The following HEATR5B variants were observed in gnomAD, a reference collection of about 807,000 sequenced individuals.
HEATR5B encodes HEAT repeat containing 5B, also known as HEAT repeat-containing protein 5B.
HEATR5B carries 156 observed loss-of-function variants against 224.1 expected under a neutral mutation model. The ratio of observed to expected loss-of-function variants is 0.70; its 90% CI spans 0.61 to 0.80. The LOEUF (loss-of-function observed/expected upper bound fraction) is 0.80. HEATR5B is among the 30% of genes least tolerant of loss of function. HEATR5B has a pLI of 0.00. For synonymous variants in HEATR5B, 1,027 were observed against 893.0 expected, an observed-to-expected ratio of 1.15 and a Z score of -2.68; for missense variants, 2,323 against 2,535.5, an observed-to-expected ratio of 0.92 and a Z score of 1.80.
intron 18 of HEATR5B, among the ~76,000 whole-genome samples, chr2:37,043,660 CAA>C (rs1670012715): frequency 6.6e-6 from 1 of 151,926 alleles, no homozygotes; most frequent in South Asian, 2.1e-4. Flanking sequence ...GTTAATAATG[CAA>C]AAAAGACTTC....
chr2:37,060,907 A>G (rs1671243878), intron 11 of HEATR5B, among the ~76,000 whole-genome samples, 174 bp from the exon 12 acceptor site: 1 of 152,142 alleles, frequency 6.6e-6, no homozygotes, highest in Non-Finnish European at 1.5e-5. Context: ...CTAAAATTAC[A>G]TTATTTTCAA....
rs1199499607 is a variant in HEATR5B, at chr2:37,061,974, G to C, written c.1661C>G (p.Ala554Gly). The C allele has an allele frequency of 5.6e-6, 9 of 1,613,784 alleles. No homozygotes were observed. Among genetic ancestry groups the C allele is most frequent in the Non-Finnish European group, 3.4e-6 (4 of 1,179,756 alleles). The change falls in exon 11 of 36, where the codon GCT becomes GGT. Residue 554 changes from alanine to glycine, a missense_variant. By Grantham distance (60) the Ala-to-Gly change is moderately conservative. Transcript: ENST00000233099. ...AAGTGCTCCAAGTAAAAGCCAGCCA[G>C]CTTGGGTGCGCTGTAAAGATAGCCT... ...NSRLSLQRTQ[A>G]GWLLLGALMT...
intron 3 of HEATR5B, among the ~76,000 whole-genome samples, chr2:37,077,861 T>C (rs372253839): frequency 2.0e-4 from 30 of 152,234 alleles, no homozygotes; most frequent in African/African-American, 7.0e-4. Context: ...AATAATACTA[T>C]ACTATTAGTA....
intron 2 of HEATR5B, among the ~76,000 whole-genome samples, chr2:37,082,223 C>T (rs1672626699): frequency 6.6e-6 from 1 of 151,558 alleles, no homozygotes; most frequent in African/African-American, 2.4e-5. Flanking sequence ...GCGCCCACGA[C>T]CACGCCTGGC....
At chr2:37,045,100 C>T (rs979410917) in intron 18 of HEATR5B, among the ~76,000 whole-genome samples, 9 of 152,146 alleles carry the variant, frequency 5.9e-5, no homozygotes, top group Non-Finnish European at 1.3e-4. Context: ...TTTCTCACAT[C>T]ATGCTCAGGT....
intron 35 of HEATR5B, among the ~76,000 whole-genome samples, chr2:36,987,512 GTC>G (rs1203641576): frequency 2.0e-5 from 3 of 151,746 alleles, no homozygotes; most frequent in Non-Finnish European, 4.4e-5. Context: ...AGTACAGTCT[GTC>G]TACAATTAAA....
In HEATR5B at chr2:37,000,733, G is replaced by A. The variant is rs1180969005; in HGVS notation, c.5398C>T (p.Gln1800Ter). The change falls in exon 33 of 36, where the codon CAG (glutamine) becomes TAG (stop). Residue 1800 changes from glutamine (Q) to a stop codon, truncating the protein, a stop_gained. Transcript: ENST00000233099. LOFTEE classifies it high-confidence loss of function. ...KDTAIKSADN[Q>*]VPPPVSAALQ... The stretch of plus-strand genomic sequence containing the variant: ...GCTGCACTGACTGGTGGAGGAACCT[G>A]ATTATCTGCAGACTTTATTGCTGTG... 1 of 1,613,946 alleles carries A rather than the reference G, an allele frequency of 6.2e-7. No homozygotes were observed. Among genetic ancestry groups the A allele is most frequent in the Non-Finnish European group, 8.5e-7 (1 of 1,179,952 alleles).
intron 21 of HEATR5B, among the ~76,000 whole-genome samples, chr2:37,035,156 C>A (rs1444748205): frequency 6.6e-6 from 1 of 152,182 alleles, no homozygotes; most frequent in Non-Finnish European, 1.5e-5. Flanking sequence ...CAAATGGTGA[C>A]TGGCAAAGCC....
Position 37,083,399 on chromosome 2 carries a change from T to C in HEATR5B, c.16A>G (p.Ser6Gly). 1 of 1,613,786 alleles carries C rather than the reference T, an allele frequency of 6.2e-7. No individual in the cohort carries two copies. Among genetic ancestry groups the C allele is most frequent in the Middle Eastern group, 1.7e-4 (1 of 6,058 alleles). ...AAAGCTTCTTCATTTAGCAATAAAC[T>C]GTGGGCTAACTCCATTACGGAAGTT... MELAH[S>G]LLLNEEALAQ... The change falls in exon 2 of 36, where the codon AGT (serine) becomes GGT (glycine). Residue 6 changes from serine (S) to glycine (G), a missense_variant. Transcript: ENST00000233099.
rs1356410956 is a variant in HEATR5B, at chr2:37,072,265, T to C, written c.614A>G (p.Gln205Arg). Residue 205 changes from glutamine (Q) to arginine (R), a missense_variant, in exon 6 of 36, where the codon CAG becomes CGG. Physicochemically the swap from Gln to Arg is conservative, Grantham distance 43. This residue lies in a region of HEATR5B where 292 missense variants were observed against 332.6 expected (regional missense o/e 0.88). Transcript: ENST00000233099. ...AGTCCACATAAATACAGCTTCATTC[T>C]GTAGTTCTAGTAGACACTGGAATTA... ...CAVAKCLLEL[Q>R]NEAVFMWTAE... The C allele has an allele frequency of 6.2e-7, 1 of 1,611,680 alleles. No individual in the cohort carries two copies. Among genetic ancestry groups the C allele is most frequent in the East Asian group, 2.2e-5 (1 of 44,838 alleles).
rs540592836 is a variant in HEATR5B at position 37,068,994 on chromosome 2, AG to A, written c.928-65del. ...ATAACTGAACAGAAATCAAAGATAA[AG>A]CAACTACTAAAATAACTGATAACAG... On this transcript the variant is annotated intron_variant, in intron 7 of 35. Transcript: ENST00000233099. The A allele has an allele frequency of 1.0e-4, 148 of 1,478,188 alleles. No individual in the cohort carries two copies. In the African/African-American group the frequency reaches 1.9e-3, roughly 19 times the overall value. 91.6% of individuals were successfully genotyped at this position (1,478,188 alleles called of 1,614,324 possible).
rs1572953534 is a variant in HEATR5B, at chr2:37,079,296, T to C, written c.162A>G (p.Glu54=). 1.2e-6 allele frequency: 2 copies of C among 1,609,542 alleles called. No homozygotes were observed. The highest frequency in any genetic ancestry group is 1.7e-6 in the Non-Finnish European group (2 of 1,178,600). ...DVKEKQKKLV[E]QLTGLISSSP... is the part of the protein sequence containing the mutation. Reference sequence around the variant, plus strand: ...AACTACTTATTAATCCAGTTAATTGTTCAACAAGTTTTTTCTGTTTTTCCT... The same window carrying C: ...AACTACTTATTAATCCAGTTAATTGCTCAACAAGTTTTTTCTGTTTTTCCT... The change falls in exon 3 of 36, where the codon GAA becomes GAG. Residue 54 remains glutamate, a synonymous_variant. Coordinates refer to ENST00000233099, the MANE Select transcript of HEATR5B (RefSeq NM_019024.3).
Position 37,000,780 on chromosome 2 carries a change from A to C in HEATR5B, c.5351T>G (p.Leu1784Ter). ...TGTGTCTTTCAATATTCTTGCAATT[A>C]AGAACAGAATTGTGGGCAGGATTGT... ...CMTILPTILF[L>*]IARILKDTAI... Residue 1784 changes from leucine (L) to a stop codon, truncating the protein, a stop_gained, in exon 33 of 36, where the codon TTA becomes TGA. Coordinates refer to ENST00000233099, the MANE Select transcript of HEATR5B (RefSeq NM_019024.3). LOFTEE classifies it high-confidence loss of function. 1 of 1,614,090 alleles carries C rather than the reference A, an allele frequency of 6.2e-7. No homozygotes were observed. The highest frequency in any genetic ancestry group is 1.3e-5 in the African/African-American group (1 of 75,072).
intron 2 of HEATR5B, among the ~76,000 whole-genome samples, chr2:37,082,092 G>A (rs4670183): frequency 0.071 from 2,723 of 38,186 alleles, 497 homozygotes; most frequent in East Asian, 0.64. Flanking sequence ...TTTTTCAGAT[G>A]GAGTTTCACT....
At chr2:37,061,282 T>C (rs1274034191) in intron 11 of HEATR5B, among the ~76,000 whole-genome samples, 1 of 152,208 alleles carries the variant, frequency 6.6e-6, no homozygotes, top group Non-Finnish European at 1.5e-5. Flanking sequence ...CTGAACATAC[T>C]TAACATAAAC....
chr2:36,996,457 C>A (rs557036837), intron 33 of HEATR5B, among the ~76,000 whole-genome samples: 1 of 149,924 alleles, frequency 6.7e-6, no homozygotes, highest in Non-Finnish European at 1.5e-5. Flanking sequence ...TGGAATCTCG[C>A]CCAAGCTTGA....
chr2:37,033,869 C>T (rs1669296351), intron 21 of HEATR5B, among the ~76,000 whole-genome samples: 1 of 152,074 alleles, frequency 6.6e-6, no homozygotes, highest in African/African-American at 2.4e-5. Context: ...GGTAACTGCT[C>T]AACAAATGTA....
At chr2:36,991,059 T>C (rs972395119) in intron 33 of HEATR5B, among the ~76,000 whole-genome samples, 1 of 152,152 alleles carries the variant, frequency 6.6e-6, no homozygotes, top group African/African-American at 2.4e-5. Flanking sequence ...CTTAATCTAA[T>C]ACAGTCCACA....
At chr2:37,029,049 T>G in intron 22 of HEATR5B, 129 bp from the exon 23 acceptor site, 2 of 790,586 alleles carry the variant, frequency 2.5e-6, no homozygotes, top group Middle Eastern at 2.9e-4. Flanking sequence ...TATATACAAT[T>G]TAACTATGGC....
Sources: allele counts gnomAD v4.1 joint callset (sites outside exome capture counted in the v4.1 genomes callset), GRCh38; gene constraint gnomAD v4.1.1; regional missense constraint gnomAD v4.1.1; transcripts MANE v1.5; gene names NCBI Gene and HGNC (gene_info 2026-07-23, HGNC 2026-07-21).